The following MTR variants were observed in gnomAD, a reference collection of about 807,000 sequenced individuals.
MTR encodes 5-methyltetrahydrofolate-homocysteine methyltransferase.
A neutral mutation model predicts 154.8 loss-of-function variants in MTR; 84 were observed. That is an observed-to-expected ratio of 0.54 (90% CI 0.45 to 0.65). MTR has a LOEUF of 0.65. Ranked by LOEUF, MTR falls within the 30% of genes least tolerant of loss-of-function variation. The pLI is 0.00. For missense variants in MTR, 1,275 were observed against 1,570.2 expected, an observed-to-expected ratio of 0.81 and a Z score of 3.18; for synonymous variants, 554 against 553.9, an observed-to-expected ratio of 1.00 and a Z score of 0.00.
chr1:236,795,458 G>A lies in MTR; in HGVS notation c.-246G>A, dbSNP rs1460381221. The A allele has an allele frequency of 1.3e-6, 2 of 1,500,258 alleles. No individual in the cohort carries two copies. Among genetic ancestry groups the A allele is most frequent in the Non-Finnish European group, 1.8e-6 (2 of 1,123,734 alleles). 92.9% of individuals were successfully genotyped at this position (1,500,258 alleles called of 1,614,324 possible). ...CTAGGCCGACACCAAGGACTGGCCG[G>A]GTACCCGGGAAGAAAGCACGTGCTC... On this transcript the variant is annotated 5_prime_UTR_variant, in exon 1 of 33. Coordinates refer to ENST00000366577, the MANE Select transcript of MTR (RefSeq NM_000254.3).
At chr1:236,810,953 C>G (rs1006757758) in intron 5 of MTR, among the ~76,000 whole-genome samples, 2 of 152,164 alleles carry the variant, frequency 1.3e-5, no homozygotes, top group African/African-American at 2.4e-5. Flanking sequence ...CCTCATTTAT[C>G]AGAAGGCAGT....
At chr1:236,881,119 C>T (rs890312686) in intron 25 of MTR, among the ~76,000 whole-genome samples, 1 of 152,146 alleles carries the variant, frequency 6.6e-6, no homozygotes, top group Non-Finnish European at 1.5e-5. Context: ...ACAAAGATTT[C>T]ACCCACTCAC....
intron 10 of MTR, 92 bp downstream of exon 10, chr1:236,825,491 A>G (rs1416622393): frequency 1.6e-6 from 2 of 1,257,284 alleles, no homozygotes; most frequent in Non-Finnish European, 2.3e-6. Flanking sequence ...TTCCCTGAAG[A>G]AATCCCAATG....
Position 236,853,062 on chromosome 1 carries a change from A to G in MTR, c.1927A>G (p.Thr643Ala). 1 of 1,614,080 alleles carries G rather than the reference A, an allele frequency of 6.2e-7. No homozygotes were observed. The highest frequency in any genetic ancestry group is 8.5e-7 in the Non-Finnish European group (1 of 1,179,954). Residue 643 changes from threonine to alanine, a missense_variant, in exon 18 of 33, where the codon ACT becomes GCT. Transcript: ENST00000366577. Reference protein sequence around the residue: ...DLIWNKDPEATEKLLRYAQTQ... With the variant: ...DLIWNKDPEAAEKLLRYAQTQ... ...CATCTGGAATAAAGACCCTGAGGCC[A>G]CTGAGAAGCTCTTACGTTATGCCCA...
At chr1:236,823,727 C>T (rs1177492932) in intron 8 of MTR, among the ~76,000 whole-genome samples, 2 of 146,046 alleles carry the variant, frequency 1.4e-5, no homozygotes, top group African/African-American at 5.0e-5. Context: ...CTTCTTGCCA[C>T]CATTCTGTGT....
At chr1:236,877,558 G>A (rs4659738) in intron 24 of MTR, among the ~76,000 whole-genome samples, 98,716 of 151,980 alleles carry the variant, frequency 0.65, 32,312 homozygotes, top group South Asian at 0.71. Flanking sequence ...GCCTTGTTAC[G>A]ATAGTTGTTT....
rs35639320 is a variant in MTR, at chr1:236,878,111, AT to A, written c.2595-2636del. On this transcript the variant is annotated intron_variant, in intron 24 of 32. Transcript: ENST00000366577. Reference sequence around the variant, plus strand: ...TCAGAAATACATATATTGCAAATAGATTTTTTTTCAATCTGGCTTGCCTTTT... The same window carrying A: ...TCAGAAATACATATATTGCAAATAGATTTTTTTCAATCTGGCTTGCCTTTT... 2.5e-3 allele frequency among the ~76,000 whole-genome samples: 381 copies of A among 151,990 alleles called. 12 individuals are homozygous for A. In the East Asian group the frequency reaches 0.059, roughly 23 times the overall value.
At chr1:236,836,392 C>T (rs569339321) in intron 14 of MTR, among the ~76,000 whole-genome samples, 13 of 152,046 alleles carry the variant, frequency 8.6e-5, no homozygotes, top group African/African-American at 2.2e-4. Context: ...ACCACAGGCA[C>T]GCATCATTTA....
At position 236,810,220 on chromosome 1, in the gene MTR, A is replaced by G. The variant is rs542273658; in HGVS notation, c.410-283A>G. The stretch of plus-strand genomic sequence containing the variant: ...ATCTCCTATATGGCATAATTTCCTT[A>G]GTGGGATCTGGGGCAGCCCCATGAT... On this transcript the variant is annotated intron_variant, in intron 4 of 32. Coordinates refer to ENST00000366577, the MANE Select transcript of MTR (RefSeq NM_000254.3). 8.5e-5 allele frequency among the ~76,000 whole-genome samples: 13 copies of G among 152,300 alleles called. 1 individual carries two copies. In the South Asian group the frequency reaches 2.7e-3, roughly 32 times the overall value.
intron 29 of MTR, 73 bp downstream of exon 29, chr1:236,891,402 C>T: frequency 6.9e-7 from 1 of 1,440,340 alleles, no homozygotes; most frequent in Non-Finnish European, 9.8e-7. Flanking sequence ...AAGAGCTTTG[C>T]ATAAATGAGG....
At chr1:236,894,769 C>T (rs1377493168) in intron 30 of MTR, 1 of 592,790 alleles carries the variant, frequency 1.7e-6, no homozygotes, top group Non-Finnish European at 3.0e-6. Flanking sequence ...CAAAGAAAAA[C>T]CTTGAATGGT....
chr1:236,841,088 C>T (rs1055462865), intron 15 of MTR, among the ~76,000 whole-genome samples: 10 of 152,198 alleles, frequency 6.6e-5, no homozygotes, highest in Non-Finnish European at 1.2e-4. Flanking sequence ...GAGGCACCCA[C>T]GTTCAGCTTT....
chr1:236,874,689 CT>C, intron 23 of MTR, 36 bp from the exon 24 acceptor site: 1 of 1,470,874 alleles, frequency 6.8e-7, no homozygotes, highest in East Asian at 2.6e-5. Flanking sequence ...CCTCACTGTC[CT>C]TTTTGTCCTT....
chr1:236,889,773 C>T lies in MTR; in HGVS notation c.3007+437C>T, dbSNP rs779880763. On this transcript the variant is annotated intron_variant, in intron 28 of 32. Transcript: ENST00000366577. ...TTTTTGACGATTCAGTGGGAGTTGC[C>T]GTGGCTGGGACTGTGGATGTGATAT... is the stretch of plus-strand genomic sequence containing the variant. 4.6e-4 allele frequency among the ~76,000 whole-genome samples: 70 copies of T among 152,140 alleles called. No homozygotes were observed. In the Middle Eastern group the frequency reaches 0.01, roughly 22 times the overall value.
intron 25 of MTR, among the ~76,000 whole-genome samples, chr1:236,884,807 A>G (rs1249851639): frequency 6.6e-6 from 1 of 152,188 alleles, no homozygotes; most frequent in African/African-American, 2.4e-5. Flanking sequence ...GACTGTTAGC[A>G]TAAACGATGT....
chr1:236,897,310 G>GCGCGCGCGCGCGCGCGCGCA lies in MTR; in HGVS notation c.3711+193_3711+194insGCGCGCGCGCGCGCGCGCAC. ...ACTTCTACATGCAAGCCACACACACGCACACACACACACACACACACACAC... is the reference window on the plus strand; with the variant it reads ...ACTTCTACATGCAAGCCACACACACGCGCGCGCGCGCGCGCGCGCACACACACACACACACACACACACAC... On this transcript the variant is annotated intron_variant, in intron 32 of 32. Transcript: ENST00000366577. Among the ~76,000 whole-genome samples, 66 of 128,674 alleles carry GCGCGCGCGCGCGCGCGCGCA rather than the reference G, an allele frequency of 5.1e-4. 1 individual carries two copies. The highest frequency in any genetic ancestry group is 2.7e-4 in the South Asian group (1 of 3,660). The allele number at this position is 128,674 out of a possible 152,430, so 84.4% of individuals were successfully genotyped here.
chr1:236,894,301 G>A, intron 29 of MTR, 56 bp from the exon 30 acceptor site: 1 of 1,550,362 alleles, frequency 6.5e-7, no homozygotes, highest in South Asian at 1.1e-5. Flanking sequence ...TGGTGTGCTG[G>A]CGCCACGTTC....
intron 15 of MTR, among the ~76,000 whole-genome samples, chr1:236,848,758 C>T (rs996032752): frequency 6.6e-6 from 1 of 152,136 alleles, no homozygotes; most frequent in Non-Finnish European, 1.5e-5. Context: ...GGTGAAGTCT[C>T]ACCCCACCAG....
chr1:236,840,235 T>C (rs1240900363), intron 15 of MTR, among the ~76,000 whole-genome samples: 2 of 152,238 alleles, frequency 1.3e-5, no homozygotes, highest in Non-Finnish European at 2.9e-5. Context: ...TAACATATAT[T>C]GAACCTTAAT....
Sources: allele counts gnomAD v4.1 joint callset (sites outside exome capture counted in the v4.1 genomes callset), GRCh38; gene constraint gnomAD v4.1.1; transcripts MANE v1.5; gene names NCBI Gene and HGNC (gene_info 2026-07-23, HGNC 2026-07-21).